The following KLHL4 variants were observed in gnomAD, a reference collection of about 807,000 sequenced individuals.
The protein encoded by KLHL4 is kelch-like protein 4.
In KLHL4, 17 loss-of-function variants were observed where a neutral mutation model predicts 45.8. The observed-to-expected ratio is 0.37, with a 90% confidence interval of 0.25 to 0.56. The LOEUF is 0.56. Ranked by LOEUF, KLHL4 falls within the 20% of genes least tolerant of loss-of-function variation. The pLI is 0.79. For missense variants in KLHL4, 544 were observed against 544.9 expected, an observed-to-expected ratio of 1.00 and a Z score of 0.02; for synonymous variants, 224 against 189.9, an observed-to-expected ratio of 1.18 and a Z score of -1.47.
chrX:87,628,326 A>T (rs370442040), intron 6 of KLHL4, among the ~76,000 whole-genome samples: 1 of 89,264 alleles, frequency 1.1e-5, no homozygotes, highest in African/African-American at 3.7e-5. Flanking sequence ...ACAAAAGAAC[A>T]GCAACAAAAC....
chrX:87,525,456 TCTTA>T (rs1479628123), intron 1 of KLHL4, among the ~76,000 whole-genome samples: 1 of 111,488 alleles, frequency 9.0e-6, no homozygotes, highest in Non-Finnish European at 1.9e-5. Context: ...ATTAAGTATA[TCTTA>T]CTTACAGTGT....
chrX:87,610,592 A>C (rs984081622), intron 1 of KLHL4, among the ~76,000 whole-genome samples: 1 of 111,955 alleles, frequency 8.9e-6, no homozygotes, highest in Non-Finnish European at 1.9e-5. Flanking sequence ...AATTATCAAA[A>C]TATAATTATT....
intron 1 of KLHL4, among the ~76,000 whole-genome samples, chrX:87,556,956 G>T (rs1369203391): frequency 9.0e-6 from 1 of 111,587 alleles, no homozygotes; most frequent in South Asian, 3.7e-4. Flanking sequence ...TAGTTTCACT[G>T]AATATCTTCC....
At chrX:87,532,418 C>T (rs1293419396) in intron 1 of KLHL4, among the ~76,000 whole-genome samples, 1 of 110,203 alleles carries the variant, frequency 9.1e-6, no homozygotes, top group Non-Finnish European at 1.9e-5. Flanking sequence ...GCCATGTGGG[C>T]TCTTTTTTGG....
intron 1 of KLHL4, among the ~76,000 whole-genome samples, chrX:87,609,319 C>T (rs2147810777): frequency 8.9e-6 from 1 of 111,972 alleles, no homozygotes; most frequent in Non-Finnish European, 1.9e-5. Flanking sequence ...GTTCTAGGTC[C>T]TTGAGGAATC....
intron 9 of KLHL4, among the ~76,000 whole-genome samples, chrX:87,644,163 T>G (rs1923554625): frequency 9.0e-6 from 1 of 111,179 alleles, no homozygotes; most frequent in African/African-American, 3.3e-5. Context: ...TAAAGACTCC[T>G]CAAGAAAGCT....
At position 87,625,618 on chromosome X, in the gene KLHL4, A is replaced by G. The variant is rs778952516; in HGVS notation, c.1146A>G (p.Ala382=). 3 of 1,201,680 alleles carry G rather than the reference A, an allele frequency of 2.5e-6. No individual in the cohort carries two copies. Among genetic ancestry groups the G allele is most frequent in the South Asian group, 1.8e-5 (1 of 55,380 alleles). The part of the protein sequence containing the change: ...RLPLLPPQLL[A]DLETSSMFTG... ...GCATCACTACTTTTCAGTTACTGGC[A>G]GATCTTGAAACCAGTTCCATGTTTA... is the stretch of plus-strand genomic sequence containing the variant. The change falls in exon 6 of 11, where the codon GCA becomes GCG. Residue 382 remains alanine, a synonymous_variant. Transcript: ENST00000373119.
intron 1 of KLHL4, among the ~76,000 whole-genome samples, chrX:87,591,160 C>CT (rs1319046377): frequency 9.0e-6 from 1 of 111,621 alleles, no homozygotes; most frequent in Non-Finnish European, 1.9e-5. Flanking sequence ...TATTCTCAGC[C>CT]TTTTTTATAA....
Position 87,635,594 on chromosome X carries a change from T to G in KLHL4, c.1744T>G (p.Ser582Ala). 1 of 1,210,912 alleles carries G rather than the reference T, an allele frequency of 8.3e-7. No homozygotes were observed. Among genetic ancestry groups the G allele is most frequent in the Non-Finnish European group, 1.1e-6 (1 of 894,806 alleles). The change falls in exon 9 of 11, where the codon TCC becomes GCC. Residue 582 changes from serine to alanine, a missense_variant. Transcript: ENST00000373119. ...TGCTATTGGTGGACGTGATGGAAGT[T>G]CCTGCCTCAAATCAATGGAATACTT... ...LYAIGGRDGSSCLKSMEYFDP... is the reference protein window; with the variant it reads ...LYAIGGRDGSACLKSMEYFDP...
At chrX:87,651,597 G>C (rs1333772239) in intron 9 of KLHL4, among the ~76,000 whole-genome samples, 1 of 112,515 alleles carries the variant, frequency 8.9e-6, no homozygotes, top group African/African-American at 3.2e-5. Flanking sequence ...CAGCAGGGCA[G>C]TCAAATCTTA....
At chrX:87,594,515 C>G (rs1202532999) in intron 1 of KLHL4, among the ~76,000 whole-genome samples, 2 of 111,548 alleles carry the variant, frequency 1.8e-5, no homozygotes, top group Non-Finnish European at 3.8e-5. Flanking sequence ...TATTTCTGCT[C>G]ACTCATGTTT....
At chrX:87,623,288 C>CTTTTTTTTTTTTTTTTTT (rs67869297) in intron 5 of KLHL4, among the ~76,000 whole-genome samples, 1 of 50,202 alleles carries the variant, frequency 2.0e-5, no homozygotes, top group African/African-American at 8.6e-5. Flanking sequence ...TTCCTTTTTT[C>CTTTTTTTTTTTTTTTTTT]TTTTTTTTTT....
chrX:87,612,734 C>T (rs965140240), intron 1 of KLHL4, among the ~76,000 whole-genome samples: 11 of 111,670 alleles, frequency 9.9e-5, no homozygotes, highest in African/African-American at 2.9e-4. Flanking sequence ...TGGCAGGGTG[C>T]GGTGGCTCAC....
At chrX:87,608,804 C>A (rs1393611693) in intron 1 of KLHL4, among the ~76,000 whole-genome samples, 1 of 110,849 alleles carries the variant, frequency 9.0e-6, no homozygotes, top group Non-Finnish European at 1.9e-5. Context: ...GGTACATGTG[C>A]ACAACATGCA....
intron 1 of KLHL4, among the ~76,000 whole-genome samples, chrX:87,521,957 A>C (rs1931011130): frequency 8.9e-6 from 1 of 112,663 alleles, no homozygotes; most frequent in African/African-American, 3.2e-5. Flanking sequence ...AGCGTGGCAC[A>C]TGCCTCATAC....
intron 1 of KLHL4, among the ~76,000 whole-genome samples, chrX:87,574,071 T>G (rs1403825189): frequency 1.8e-5 from 2 of 111,882 alleles, no homozygotes; most frequent in African/African-American, 6.5e-5. Flanking sequence ...TAAAAAAAAT[T>G]ATCACCTTGG....
In KLHL4 at chrX:87,627,405, T is replaced by C. The variant is rs937784639; in HGVS notation, c.1324+1609T>C. On this transcript the variant is annotated intron_variant, in intron 6 of 10. Coordinates refer to ENST00000373119, the MANE Select transcript of KLHL4 (RefSeq NM_019117.5). ...GGTTTGAAGTCCTACTGGAATCACATTATTTTCTTTGATATATATAATTGA... is the reference window on the plus strand; with the variant it reads ...GGTTTGAAGTCCTACTGGAATCACACTATTTTCTTTGATATATATAATTGA... 7.2e-5 allele frequency among the ~76,000 whole-genome samples: 8 copies of C among 111,719 alleles called. No homozygotes were observed. The Admixed American group carries it at 7.6e-4, about 11-fold the overall frequency.
At position 87,653,128 on chromosome X, in the gene KLHL4, G is replaced by A. The variant is rs1038547276; in HGVS notation, c.1926-11636G>A. Among the ~76,000 whole-genome samples the A allele has an allele frequency of 2.7e-5, 3 of 111,616 alleles. No individual in the cohort carries two copies. The Admixed American group carries it at 2.9e-4, about 11-fold the overall frequency. ...TCCTACTGGGTCTTTCCCACAACAC[G>A]TGGGAATCATGGGAGCTACAATTCA... On this transcript the variant is annotated intron_variant, in intron 9 of 10. Transcript: ENST00000373119.
At chrX:87,610,474 C>T (rs1333414348) in intron 1 of KLHL4, among the ~76,000 whole-genome samples, 1 of 111,720 alleles carries the variant, frequency 9.0e-6, no homozygotes, top group Non-Finnish European at 1.9e-5. Context: ...TATCTGATGG[C>T]TTACTTTTTC....
Sources: gnomAD v4.1 joint callset for allele counts (sites outside exome capture counted in the v4.1 genomes callset) on GRCh38, gnomAD v4.1.1 for gene constraint, MANE v1.5 for transcripts, NCBI Gene and HGNC (gene_info 2026-07-23, HGNC 2026-07-21) for gene names.